The following SLC9C1 variants were observed in gnomAD, a reference collection of about 807,000 sequenced individuals.
The protein encoded by SLC9C1 is solute carrier family 9 member C1.
A neutral mutation model predicts 140.9 loss-of-function variants in SLC9C1; 97 were observed. The ratio of observed to expected loss-of-function variants is 0.69; its 90% confidence interval spans 0.58 to 0.82. The LOEUF is 0.82. SLC9C1 is among the 40% of genes least tolerant of loss of function. The probability of loss-of-function intolerance (pLI) is 0.00; values close to 1 mark genes in which losing one functional copy is unlikely to be tolerated. For missense variants in SLC9C1, 1,340 were observed against 1,389.3 expected (o/e 0.96, Z 0.56); for synonymous variants, 440 against 442.6 (o/e 0.99, Z 0.07).
chr3:112,188,300 T>C (rs1366178558), intron 20 of SLC9C1, among the ~76,000 whole-genome samples: 1 of 152,208 alleles, frequency 6.6e-6, no homozygotes, highest in Non-Finnish European at 1.5e-5. Context: ...GTTTGTTACA[T>C]AGGTATACTT....
intron 15 of SLC9C1, among the ~76,000 whole-genome samples, chr3:112,210,242 C>A (rs1560069829): frequency 6.6e-6 from 1 of 152,100 alleles, no homozygotes; most frequent in Non-Finnish European, 1.5e-5. Context: ...TTCATAATAG[C>A]CAAAAGGCAG....
At chr3:112,213,023 C>T (rs970930555) in intron 15 of SLC9C1, among the ~76,000 whole-genome samples, 2 of 152,206 alleles carry the variant, frequency 1.3e-5, no homozygotes, top group Admixed American at 1.3e-4. Context: ...AGAAACTCTA[C>T]AAGGCAGAAG....
At chr3:112,276,136 A>G (rs1297034844) in intron 5 of SLC9C1, among the ~76,000 whole-genome samples, 1 of 152,138 alleles carries the variant, frequency 6.6e-6, no homozygotes, top group Non-Finnish European at 1.5e-5. Flanking sequence ...ATGAGAAATA[A>G]TAAATAATTG....
chr3:112,246,618 C>G (rs1414073928), intron 10 of SLC9C1, among the ~76,000 whole-genome samples: 2 of 151,984 alleles, frequency 1.3e-5, no homozygotes, highest in Non-Finnish European at 2.9e-5. Context: ...TGTATATGCA[C>G]ACAGTGTTGT....
intron 28 of SLC9C1, among the ~76,000 whole-genome samples, chr3:112,149,654 C>T (rs951069586): frequency 6.6e-6 from 1 of 151,704 alleles, no homozygotes; most frequent in African/African-American, 2.4e-5. Context: ...ATGGGTATTC[C>T]AAATGCCTGG....
At chr3:112,274,023 A>G (rs1240144588) in intron 6 of SLC9C1, among the ~76,000 whole-genome samples, 1 of 152,182 alleles carries the variant, frequency 6.6e-6, no homozygotes, top group East Asian at 1.9e-4. Flanking sequence ...TTCCAAAACC[A>G]GCGCAAGTGC....
intron 26 of SLC9C1, among the ~76,000 whole-genome samples, chr3:112,165,267 C>G (rs943261921): frequency 9.9e-5 from 15 of 152,212 alleles, no homozygotes; most frequent in African/African-American, 3.6e-4. Context: ...CGTCTTCTCT[C>G]AACTCGTCAA....
chr3:112,272,103 C>A (rs9809196), intron 6 of SLC9C1, among the ~76,000 whole-genome samples: 44,869 of 151,958 alleles, frequency 0.3, 6,819 homozygotes, highest in East Asian at 0.36. Context: ...TGCCTCTAGG[C>A]CACATGAGCT....
chr3:112,263,455 TG>T (rs1160830468), intron 9 of SLC9C1, among the ~76,000 whole-genome samples: 1 of 151,856 alleles, frequency 6.6e-6, no homozygotes. Context: ...AGTGAGAAAA[TG>T]TTCTCTGTTT....
chr3:112,274,236 A>G (rs1418581220), intron 6 of SLC9C1, among the ~76,000 whole-genome samples: 1 of 152,150 alleles, frequency 6.6e-6, no homozygotes, highest in Non-Finnish European at 1.5e-5. Context: ...GATGGTGGTA[A>G]CATGAAATTT....
At chr3:112,155,147 C>T in intron 26 of SLC9C1, 98 bp from the exon 27 acceptor site, 5 of 1,014,282 alleles carry the variant, frequency 4.9e-6, no homozygotes, top group Non-Finnish European at 5.7e-6. Context: ...TCAAATCACA[C>T]TCAGGACCTG....
chr3:112,282,595 C>A (rs1467146995), intron 2 of SLC9C1, among the ~76,000 whole-genome samples: 1 of 152,118 alleles, frequency 6.6e-6, no homozygotes, highest in Non-Finnish European at 1.5e-5. Flanking sequence ...CCCAGTTTGG[C>A]ACCTTCTCAC....
chr3:112,178,429 T>C (rs1255570173), intron 23 of SLC9C1, among the ~76,000 whole-genome samples: 1 of 152,144 alleles, frequency 6.6e-6, no homozygotes, highest in Admixed American at 6.6e-5. Flanking sequence ...TGTCTGCTAC[T>C]CCATTCACAT....
chr3:112,160,233 T>G (rs1439081225), intron 26 of SLC9C1, among the ~76,000 whole-genome samples: 1 of 151,018 alleles, frequency 6.6e-6, no homozygotes, highest in Non-Finnish European at 1.5e-5. Context: ...TATTTTGTAT[T>G]TATTTTTTAT....
Position 112,266,302 on chromosome 3 carries a change from T to C in SLC9C1, c.814A>G (p.Ile272Val). Residue 272 changes from isoleucine (I) to valine (V), a missense_variant, in exon 8 of 29, where the codon ATT becomes GTT. Physicochemically the swap from Ile to Val is conservative, Grantham distance 29 (BLOSUM62 3). Transcript: ENST00000305815. ...VGMSGIFTLA[I>V]VGLLLNSTSF... ...GTAGAATTTAAAAGAAGTCCCACAA[T>C]GGCCAGAGTAAATATTCCTGACATT... is the stretch of plus-strand genomic sequence containing the variant. The C allele has an allele frequency of 2.5e-6, 4 of 1,611,026 alleles. No individual in the cohort carries two copies. The highest frequency in any genetic ancestry group is 3.4e-6 in the Non-Finnish European group (4 of 1,178,922).
chr3:112,148,680 C>T (rs1160265463), intron 28 of SLC9C1, among the ~76,000 whole-genome samples: 1 of 152,160 alleles, frequency 6.6e-6, no homozygotes, highest in Non-Finnish European at 1.5e-5. Context: ...CCCGTGTTTA[C>T]TGGCAGAAAC....
At chr3:112,215,532 T>C (rs2078336696) in intron 15 of SLC9C1, among the ~76,000 whole-genome samples, 1 of 152,070 alleles carries the variant, frequency 6.6e-6, no homozygotes, top group Non-Finnish European at 1.5e-5. Context: ...AAAATCAATG[T>C]ACAAAAATCA....
At chr3:112,188,283 C>T (rs1166516350) in intron 20 of SLC9C1, among the ~76,000 whole-genome samples, 3 of 152,036 alleles carry the variant, frequency 2.0e-5, no homozygotes, top group African/African-American at 7.2e-5. Context: ...ATGTGCACAA[C>T]GTGCAGGTTT....
intron 7 of SLC9C1, 107 bp from the exon 8 acceptor site, chr3:112,266,447 A>G: frequency 1.3e-6 from 1 of 782,434 alleles, no homozygotes; most frequent in Non-Finnish European, 2.0e-6. Flanking sequence ...CATGACTTTT[A>G]TAGAGAGGCA....
Sources: gnomAD v4.1 joint callset for allele counts (sites outside exome capture counted in the v4.1 genomes callset) on GRCh38, gnomAD v4.1.1 for gene constraint, MANE v1.5 for transcripts, NCBI Gene and HGNC (gene_info 2026-07-23, HGNC 2026-07-21) for gene names.